Variants in MIA3 observed in about 807,000 individuals in gnomAD.
MIA3 encodes MIA SH3 domain ER export factor 3.
Under a neutral mutation model 192.4 loss-of-function variants are expected in MIA3, and 90 were observed. That is an observed-to-expected ratio of 0.47 (90% CI 0.39 to 0.56). MIA3 has a LOEUF of 0.56. MIA3 is among the 20% of genes least tolerant of loss of function. The probability of loss-of-function intolerance (pLI) is 0.00; values close to 1 mark genes in which losing one functional copy is unlikely to be tolerated. For synonymous variants in MIA3, 740 were observed against 792.8 expected, an observed-to-expected ratio of 0.93 and a Z score of 1.12; for missense variants, 2,123 against 2,269.4, an observed-to-expected ratio of 0.94 and a Z score of 1.31.
At chr1:222,631,427 G>A (rs1391050543) in intron 4 of MIA3, among the ~76,000 whole-genome samples, 1 of 152,116 alleles carries the variant, frequency 6.6e-6, no homozygotes, top group East Asian at 1.9e-4. Context: ...GTATATCCAG[G>A]CTTTTCAGAC....
At chr1:222,645,267 C>A (rs901816310) in intron 6 of MIA3, among the ~76,000 whole-genome samples, 14 of 152,146 alleles carry the variant, frequency 9.2e-5, no homozygotes, top group African/African-American at 3.1e-4. Flanking sequence ...AGATTCCAGC[C>A]ATGTTTTAGA....
chr1:222,629,379 T>G lies in MIA3; in HGVS notation c.2159T>G (p.Val720Gly). The G allele has an allele frequency of 6.2e-7, 1 of 1,614,088 alleles. No homozygotes were observed. Residue 720 changes from valine (V) to glycine (G), a missense_variant, in exon 4 of 28, where the codon GTA (valine) becomes GGA (glycine). Val to Gly is a moderately radical substitution (Grantham distance 109). This residue lies in a region of MIA3 where 1,357 missense variants were observed against 1,396.1 expected (regional missense o/e 0.97). Coordinates refer to ENST00000344922, the MANE Select transcript of MIA3 (RefSeq NM_198551.4). ...STGGPAFLSK[V>G]EEDDYPSEEL... ...GGAGGACCAGCTTTCCTTTCTAAAG[T>G]AGAAGAGGATGATTATCCCTCTGAA...
At position 222,627,844 on chromosome 1, in the gene MIA3, G is replaced by C; in HGVS notation, c.624G>C (p.Lys208Asn). 3 of 1,614,026 alleles carry C rather than the reference G, an allele frequency of 1.9e-6. No homozygotes were observed. Among genetic ancestry groups the C allele is most frequent in the Non-Finnish European group, 2.5e-6 (3 of 1,180,034 alleles). The change falls in exon 4 of 28, where the codon AAG becomes AAC. Residue 208 changes from lysine to asparagine, a missense_variant. Transcript: ENST00000344922. Reference sequence around the variant, plus strand: ...TTCAGGAACAGTTTACAACTCAGAAGCACCACTCCCATGCAAACAGCCAAG... The same window carrying C: ...TTCAGGAACAGTTTACAACTCAGAACCACCACTCCCATGCAAACAGCCAAG... The part of the protein sequence containing the change: ...EDLQEQFTTQ[K>N]HHSHANSQAN...
intron 6 of MIA3, among the ~76,000 whole-genome samples, chr1:222,636,742 G>T (rs1662643145): frequency 6.6e-6 from 1 of 152,040 alleles, no homozygotes; most frequent in South Asian, 2.1e-4. Flanking sequence ...TCGAACTCCT[G>T]ACCTCGTGAT....
chr1:222,618,622 G>A (rs142874752), intron 1 of MIA3, among the ~76,000 whole-genome samples: 252 of 152,124 alleles, frequency 1.7e-3, no homozygotes, highest in African/African-American at 6.0e-3. Flanking sequence ...TCGGAGGGTA[G>A]ATGTGGTTGC....
At chr1:222,624,972 T>C (rs1433097699) in intron 3 of MIA3, 118 bp downstream of exon 3, 1 of 556,748 alleles carries the variant, frequency 1.8e-6, no homozygotes, top group Non-Finnish European at 3.2e-6. Context: ...CTGATAGTTA[T>C]CTAATATATG....
At chr1:222,662,559 G>T in intron 26 of MIA3, 1 of 1,219,376 alleles carries the variant, frequency 8.2e-7, no homozygotes, top group Non-Finnish European at 1.1e-6. Flanking sequence ...GACTGAACTG[G>T]GCTATAAGTT....
At chr1:222,626,793 G>A (rs1428533659) in intron 3 of MIA3, among the ~76,000 whole-genome samples, 1 of 152,180 alleles carries the variant, frequency 6.6e-6, no homozygotes, top group Non-Finnish European at 1.5e-5. Flanking sequence ...TCCTTCTGAA[G>A]CTGATTTCTT....
intron 8 of MIA3, 37 bp downstream of exon 8, chr1:222,648,887 C>G (rs1413589831): frequency 7.6e-7 from 1 of 1,310,052 alleles, no homozygotes; most frequent in Non-Finnish European, 1.1e-6. Context: ...TGTACTAGTC[C>G]CTCTGTATTG....
chr1:222,648,789 A>C (rs1329809967), intron 7 of MIA3, 40 bp from the exon 8 acceptor site: 4 of 1,117,204 alleles, frequency 3.6e-6, no homozygotes, highest in African/African-American at 3.1e-5. Flanking sequence ...CTATTAATAA[A>C]ATGTTTGACA....
intron 21 of MIA3, 25 bp from the exon 22 acceptor site, chr1:222,659,709 G>A (rs1235462718): frequency 3.7e-6 from 6 of 1,613,710 alleles, no homozygotes; most frequent in Non-Finnish European, 5.1e-6. Context: ...TCCCACAACT[G>A]AATTTGGATA....
rs1475387161 is a variant in MIA3, at chr1:222,666,792, T to G, written c.*1173T>G. 1 of 152,180 alleles carries G rather than the reference T, an allele frequency of 6.6e-6. No homozygotes were observed. Among genetic ancestry groups the G allele is most frequent in the Non-Finnish European group, 1.5e-5 (1 of 68,028 alleles). The allele number at this position is 152,180 out of a possible 1,614,324, so 9.4% of individuals were successfully genotyped here. ...AAAATCAGTAACTAACCATCTGGAA[T>G]TGCACCATACTTAAAGTCTTATCCA... On this transcript the variant is annotated 3_prime_UTR_variant, in exon 28 of 28. Coordinates refer to ENST00000344922, the MANE Select transcript of MIA3 (RefSeq NM_198551.4).
chr1:222,649,549 T>C (rs947414644), intron 8 of MIA3: 2 of 152,594 alleles, frequency 1.3e-5, no homozygotes, highest in Non-Finnish European at 2.9e-5. Context: ...GAGGATTGCT[T>C]GAGCTCAGGA....
intron 6 of MIA3, 73 bp from the exon 7 acceptor site, chr1:222,645,481 A>T (rs1486218633): frequency 7.3e-7 from 1 of 1,370,082 alleles, no homozygotes; most frequent in African/African-American, 1.5e-5. Context: ...TCTGTGAATG[A>T]GTCTTTGTGA....
At chr1:222,646,804 C>T (rs1030510275) in intron 7 of MIA3, among the ~76,000 whole-genome samples, 2 of 152,198 alleles carry the variant, frequency 1.3e-5, no homozygotes, top group African/African-American at 4.8e-5. Context: ...AAAACTTTGA[C>T]ACAACCTACT....
chr1:222,634,774 CTTG>C (rs1662557420), intron 6 of MIA3, among the ~76,000 whole-genome samples: 2 of 152,128 alleles, frequency 1.3e-5, no homozygotes, highest in African/African-American at 2.4e-5. Context: ...AAAGAGCGTT[CTTG>C]TTGTTTTTCT....
intron 2 of MIA3, among the ~76,000 whole-genome samples, chr1:222,621,681 A>G (rs1294796147): frequency 6.6e-6 from 1 of 152,150 alleles, no homozygotes. Flanking sequence ...AGTTGATTTT[A>G]TGTGTATTTC....
rs376375790 is a variant in MIA3, at chr1:222,640,432, C to A, written c.3478-5122C>A. Among the ~76,000 whole-genome samples the A allele has an allele frequency of 1.8e-4, 28 of 151,960 alleles. 1 individual carries two copies. Among genetic ancestry groups the A allele is most frequent in the African/African-American group, 6.8e-4 (28 of 41,474 alleles). On this transcript the variant is annotated intron_variant, in intron 6 of 27. Transcript: ENST00000344922. Reference sequence around the variant, plus strand: ...GTAAGTAAGACAGCAGATGAATAGACCATTGGAACAAAATAGAAAATCTGG... The same window carrying A: ...GTAAGTAAGACAGCAGATGAATAGAACATTGGAACAAAATAGAAAATCTGG...
rs750291198 is a variant in MIA3, at chr1:222,653,239, C to G, written c.4221C>G (p.Asn1407Lys). 1.6e-5 allele frequency: 25 copies of G among 1,610,132 alleles called. No individual in the cohort carries two copies. Among genetic ancestry groups the G allele is most frequent in the Non-Finnish European group, 2.0e-5 (23 of 1,177,066 alleles). ...HKDDNINALTNCITQLNLLEC... is the reference protein window; with the variant it reads ...HKDDNINALTKCITQLNLLEC... ...TACTTCTTTTCTAGGCTTTGACTAA[C>G]TGCATTACACAGTTGAATCTGTTAG... The change falls in exon 15 of 28, where the codon AAC (asparagine) becomes AAG (lysine). Residue 1407 changes from asparagine (N) to lysine (K), a missense_variant. Asn to Lys is a moderately conservative substitution (Grantham distance 94). Around this residue, in one of 3 missense-constraint regions of MIA3, gnomAD observed 762 missense variants for 856.4 expected, o/e 0.89. Transcript: ENST00000344922.
Sources: allele counts gnomAD v4.1 joint callset (sites outside exome capture counted in the v4.1 genomes callset), GRCh38; gene constraint gnomAD v4.1.1; regional missense constraint gnomAD v4.1.1; transcripts MANE v1.5; gene names NCBI Gene and HGNC (gene_info 2026-07-23, HGNC 2026-07-21).